FRMPD1: variants seen among roughly 807,000 people sequenced by gnomAD.
The protein encoded by FRMPD1 is FERM and PDZ domain containing 1, also known as FERM and PDZ domain-containing protein 1.
Under a neutral mutation model 117.8 loss-of-function variants are expected in FRMPD1, and 76 were observed. That is an observed-to-expected ratio of 0.65 (90% CI 0.54 to 0.78). FRMPD1 has a LOEUF of 0.78. Among genes scored for constraint, FRMPD1 ranks in the 30% least tolerant of loss-of-function variants. The pLI is 0.00. For synonymous variants in FRMPD1, 783 were observed against 770.4 expected, an observed-to-expected ratio of 1.02 and a Z score of -0.27; for missense variants, 1,786 against 1,964.5, an observed-to-expected ratio of 0.91 and a Z score of 1.72.
intron 1 of FRMPD1, among the ~76,000 whole-genome samples, chr9:37,676,375 T>C (rs536240025): frequency 1.3e-5 from 2 of 152,256 alleles, no homozygotes; most frequent in East Asian, 3.9e-4. Context: ...TCTATGTACT[T>C]TTAAAGTGGG....
chr9:37,620,289 T>C, the FRMPD1 span, among the ~76,000 whole-genome samples: 1 of 152,212 alleles, frequency 6.6e-6, no homozygotes, highest in Non-Finnish European at 1.5e-5. Context: ...GGCTTGGCAT[T>C]GCTGAGAACC....
intron 2 of FRMPD1, among the ~76,000 whole-genome samples, chr9:37,695,479 T>G (rs7847267): frequency 0.42 from 63,988 of 151,984 alleles, 13,510 homozygotes; most frequent in East Asian, 0.56. Context: ...AACAAAGAGA[T>G]AAAGTTTCCT....
chr9:37,611,534 T>A, the FRMPD1 span, among the ~76,000 whole-genome samples: 17 of 152,340 alleles, frequency 1.1e-4, 1 homozygote, highest in African/African-American at 4.1e-4. Context: ...TACAATACAA[T>A]GAAATTGATG....
intron 5 of FRMPD1, among the ~76,000 whole-genome samples, chr9:37,717,276 A>T (rs1201271872): frequency 7.0e-6 from 1 of 143,604 alleles, no homozygotes; most frequent in Non-Finnish European, 1.5e-5. Context: ...ACTATCTCTT[A>T]TCTTGGATTT....
At chr9:37,727,552 G>C (rs1823665879) in intron 7 of FRMPD1, among the ~76,000 whole-genome samples, 1 of 152,094 alleles carries the variant, frequency 6.6e-6, no homozygotes, top group Admixed American at 6.6e-5. Flanking sequence ...AGCCCAAGCT[G>C]AGGTAGACAT....
intron 5 of FRMPD1, among the ~76,000 whole-genome samples, chr9:37,716,124 T>C (rs1823108800): frequency 6.6e-6 from 1 of 151,656 alleles, no homozygotes; most frequent in Admixed American, 6.6e-5. Context: ...CCATGGGGAG[T>C]GGACATGCAC....
intron 1 of FRMPD1, among the ~76,000 whole-genome samples, chr9:37,652,318 C>A (rs192469327): frequency 3.3e-5 from 5 of 152,350 alleles, no homozygotes; most frequent in Admixed American, 2.6e-4. Flanking sequence ...GAGCCAAGTT[C>A]ATCTTTTCCA....
chr9:37,666,532 C>G (rs1009421554), intron 1 of FRMPD1, among the ~76,000 whole-genome samples: 1 of 152,058 alleles, frequency 6.6e-6, no homozygotes, highest in Non-Finnish European at 1.5e-5. Context: ...CTGGTGTGCC[C>G]CCGTTGCCTT....
In FRMPD1 at chr9:37,657,573, T is replaced by C. The variant is rs1820879025; in HGVS notation, c.-5+6479T>C. 2.0e-5 allele frequency among the ~76,000 whole-genome samples: 3 copies of C among 152,358 alleles called. No individual in the cohort carries two copies. In the South Asian group the frequency reaches 6.2e-4, roughly 32 times the overall value. On this transcript the variant is annotated intron_variant, in intron 1 of 15. Coordinates refer to ENST00000377765, the MANE Select transcript of FRMPD1 (RefSeq NM_014907.3). ...ATGATGTCTCTGTGGAGATACATAC[T>C]TGGCCTCTTTCTTTCTCCCTGGGGT...
Position 37,745,574 on chromosome 9 carries a change from C to G in FRMPD1, c.3542C>G (p.Pro1181Arg). The G allele has an allele frequency of 6.2e-7, 1 of 1,614,128 alleles. No homozygotes were observed. The highest frequency in any genetic ancestry group is 8.5e-7 in the Non-Finnish European group (1 of 1,179,980). The change falls in exon 16 of 16, where the codon CCT (proline) becomes CGT (arginine). Residue 1181 changes from proline to arginine, a missense_variant. Physicochemically the swap from Pro to Arg is moderately radical, Grantham distance 103. Coordinates refer to ENST00000377765, the MANE Select transcript of FRMPD1 (RefSeq NM_014907.3). ...ATCCCACCACATCCCCCTAGAGACCCTCAAGGACAGAGCAGAGAACCCCCA... is the reference window on the plus strand; with the variant it reads ...ATCCCACCACATCCCCCTAGAGACCGTCAAGGACAGAGCAGAGAACCCCCA... Reference protein sequence around the residue: ...EQIPPHPPRDPQGQSREPPGQ... With the variant: ...EQIPPHPPRDRQGQSREPPGQ...
chr9:37,622,714 G>C, the FRMPD1 span, among the ~76,000 whole-genome samples: 1 of 152,210 alleles, frequency 6.6e-6, no homozygotes, highest in Admixed American at 6.5e-5. Context: ...TTGCGTGTTA[G>C]ATGAATGTCT....
Position 37,744,717 on chromosome 9 carries a change from C to G in FRMPD1, c.2685C>G (p.Gly895=), listed in dbSNP as rs750972334. Residue 895 remains glycine (G), a synonymous_variant, in exon 16 of 16, where the codon GGC becomes GGG. Coordinates refer to ENST00000377765, the MANE Select transcript of FRMPD1 (RefSeq NM_014907.3). ...TGCAGGACATGCAGGGTGAGCCTGGCCTTCTGGAGACCAAGGCCTTGGGGC... is the reference window on the plus strand; with the variant it reads ...TGCAGGACATGCAGGGTGAGCCTGGGCTTCTGGAGACCAAGGCCTTGGGGC... ...SSLQDMQGEP[G]LLETKALGLL... 6.2e-7 allele frequency: 1 copy of G among 1,613,920 alleles called. No homozygotes were observed. The highest frequency in any genetic ancestry group is 8.5e-7 in the Non-Finnish European group (1 of 1,179,922).
At chr9:37,698,991 G>A (rs576243014) in intron 2 of FRMPD1, among the ~76,000 whole-genome samples, 1 of 150,722 alleles carries the variant, frequency 6.6e-6, no homozygotes, top group African/African-American at 2.4e-5. Context: ...CACCTGCCTC[G>A]GCCTCCCAAA....
At chr9:37,679,428 G>T (rs1821644995) in intron 1 of FRMPD1, among the ~76,000 whole-genome samples, 2 of 152,074 alleles carry the variant, frequency 1.3e-5, no homozygotes, top group South Asian at 2.1e-4. Context: ...CAGAAGTTTT[G>T]GTATATTCAC....
At position 37,740,276 on chromosome 9, in the gene FRMPD1, A is replaced by G. The variant is rs1290652152; in HGVS notation, c.1748A>G (p.Asp583Gly). 6.2e-6 allele frequency: 10 copies of G among 1,613,840 alleles called. No individual in the cohort carries two copies. Among genetic ancestry groups the G allele is most frequent in the Non-Finnish European group, 7.6e-6 (9 of 1,180,002 alleles). ...ACCTGCGGGGCCAGCAGCACGACAG[A>G]CAGTGCCGAGTCCGAGGCGTCCGAC... is the stretch of plus-strand genomic sequence containing the variant. ...PSTCGASSTTDSAESEASDSA... is the reference protein window; with the variant it reads ...PSTCGASSTTGSAESEASDSA... The change falls in exon 15 of 16, where the codon GAC becomes GGC. Residue 583 changes from aspartate (D) to glycine (G), a missense_variant. By Grantham distance (94) the Asp-to-Gly change is moderately conservative. Coordinates refer to ENST00000377765, the MANE Select transcript of FRMPD1 (RefSeq NM_014907.3). This position sits in a 1 kb window ranked among gnomAD's most constrained non-coding sequence, Gnocchi z 4.2.
At chr9:37,670,770 T>C (rs1398509719) in intron 1 of FRMPD1, among the ~76,000 whole-genome samples, 1 of 152,248 alleles carries the variant, frequency 6.6e-6, no homozygotes, top group Non-Finnish European at 1.5e-5. Context: ...GACTGAAGTA[T>C]GTGAGAGGGA....
chr9:37,740,224 C>T lies in FRMPD1; in HGVS notation c.1696C>T (p.Pro566Ser), dbSNP rs559207095. 3 of 1,613,990 alleles carry T rather than the reference C, an allele frequency of 1.9e-6. No individual in the cohort carries two copies. The South Asian group carries it at 3.3e-5, about 18-fold the overall frequency. ...EEQPPGNSPT[P>S]EVARRGPSTC... ...GCAGCCTCCTGGGAACAGCCCCACA[C>T]CTGAGGTGGCTAGGAGGGGCCCCAG... Residue 566 changes from proline (P) to serine (S), a missense_variant, in exon 15 of 16, where the codon CCT (proline) becomes TCT (serine). Physicochemically the swap from Pro to Ser is moderately conservative, Grantham distance 74. Transcript: ENST00000377765. The surrounding 1 kb of genome is among the most constrained non-coding windows in gnomAD (Gnocchi z 4.2).
the FRMPD1 span, among the ~76,000 whole-genome samples, chr9:37,617,274 G>A: frequency 6.6e-6 from 1 of 152,168 alleles, no homozygotes; most frequent in African/African-American, 2.4e-5. Flanking sequence ...TACAATTCAG[G>A]CCTCTTCTGT....
chr9:37,731,142 T>C (rs1013089401), intron 9 of FRMPD1, 39 bp downstream of exon 9: 1 of 1,601,468 alleles, frequency 6.2e-7, no homozygotes, highest in African/African-American at 1.3e-5. Context: ...CAGTGGTTGT[T>C]CTCAAAGATG....
Sources: allele counts gnomAD v4.1 joint callset (sites outside exome capture counted in the v4.1 genomes callset), GRCh38; gene constraint gnomAD v4.1.1; non-coding constraint Gnocchi (gnomAD v3.1); transcripts MANE v1.5; gene names NCBI Gene and HGNC (gene_info 2026-07-23, HGNC 2026-07-21).